Variants in DCC observed in about 807,000 individuals in gnomAD.
The protein encoded by DCC is DCC netrin 1 receptor, also known as netrin receptor DCC.
DCC carries 58 observed loss-of-function variants against 172.5 expected under a neutral mutation model. The observed-to-expected ratio is 0.34, with a 90% CI of 0.27 to 0.42. The LOEUF (loss-of-function observed/expected upper bound fraction) is 0.42, where lower values mean the gene tolerates loss of function less well. DCC is among the 10% of genes least tolerant of loss of function. The pLI, the probability that DCC is intolerant of heterozygous loss-of-function variation, is 1.00. For missense variants in DCC, 1,740 were observed against 1,791.0 expected, an observed-to-expected ratio of 0.97 and a Z score of 0.51; for synonymous variants, 709 against 644.5, an observed-to-expected ratio of 1.10 and a Z score of -1.52.
intron 13 of DCC, among the ~76,000 whole-genome samples, chr18:53,318,311 TC>T (rs1224315873): frequency 6.6e-6 from 1 of 152,252 alleles, no homozygotes; most frequent in East Asian, 1.9e-4. Context: ...TTCTTAATCC[TC>T]AGTTCTAATT....
chr18:52,553,504 C>T (rs555760231), intron 1 of DCC, among the ~76,000 whole-genome samples: 1 of 152,096 alleles, frequency 6.6e-6, no homozygotes, highest in East Asian at 1.9e-4. Context: ...GATCAATGAA[C>T]CACTGCCAAA....
intron 7 of DCC, among the ~76,000 whole-genome samples, chr18:53,080,463 T>C (rs2042783998): frequency 6.6e-6 from 1 of 152,140 alleles, no homozygotes; most frequent in African/African-American, 2.4e-5. Flanking sequence ...TACTGATTAA[T>C]TGATAATGCC....
At chr18:53,359,862 A>C (rs937530933) in intron 15 of DCC, among the ~76,000 whole-genome samples, 1 of 152,058 alleles carries the variant, frequency 6.6e-6, no homozygotes, top group Non-Finnish European at 1.5e-5. Flanking sequence ...TACCCATTTC[A>C]GTGACCCCTG....
chr18:52,689,752 T>C (rs748117781), intron 1 of DCC, among the ~76,000 whole-genome samples: 2 of 152,184 alleles, frequency 1.3e-5, no homozygotes, highest in Non-Finnish European at 2.9e-5. Flanking sequence ...CTCATGTTGC[T>C]GAAAAGACTC....
chr18:52,487,982 G>A (rs1366189073), intron 1 of DCC, among the ~76,000 whole-genome samples: 1 of 151,990 alleles, frequency 6.6e-6, no homozygotes, highest in Non-Finnish European at 1.5e-5. Flanking sequence ...ACAGATTTAT[G>A]CACTAAGAAA....
At chr18:52,360,929 T>C (rs1447511802) in intron 1 of DCC, among the ~76,000 whole-genome samples, 1 of 152,194 alleles carries the variant, frequency 6.6e-6, no homozygotes, top group Non-Finnish European at 1.5e-5. Flanking sequence ...AGTGGACCCA[T>C]CTATGAATGC....
intron 22 of DCC, among the ~76,000 whole-genome samples, chr18:53,448,234 T>C (rs1912754891): frequency 1.3e-5 from 2 of 152,154 alleles, no homozygotes; most frequent in South Asian, 4.1e-4. Context: ...TAGCTGAGAC[T>C]GGGTAATTTA....
rs1568192145 is a variant in DCC at position 52,927,135 on chromosome 18, ACGTG to A, written c.985+1766_985+1769del. ...TATATACGTGTATATACACGTATATACGTGTATATATGTGTATATATACGTATAT... is the reference window on the plus strand; with the variant it reads ...TATATACGTGTATATACACGTATATATATATATGTGTATATATACGTATAT... On this transcript the variant is annotated intron_variant, in intron 5 of 28. Transcript: ENST00000442544. 8.5e-4 allele frequency among the ~76,000 whole-genome samples: 81 copies of A among 94,816 alleles called. 7 individuals are homozygous for A. The highest frequency in any genetic ancestry group is 2.1e-3 in the African/African-American group (57 of 27,276). 62.2% of individuals were successfully genotyped at this position (94,816 alleles called of 152,430 possible).
chr18:53,256,918 G>A, intron 12 of DCC, among the ~76,000 whole-genome samples: 1 of 152,116 alleles, frequency 6.6e-6, no homozygotes. Context: ...TCCTTGAAGA[G>A]GTCCTTCACA....
intron 2 of DCC, among the ~76,000 whole-genome samples, chr18:52,846,754 G>A (rs35879011): frequency 0.22 from 33,819 of 151,908 alleles, 4,583 homozygotes; most frequent in Admixed American, 0.31. Context: ...AAAGGAGAAT[G>A]TTGATGACTG....
intron 1 of DCC, among the ~76,000 whole-genome samples, chr18:52,610,169 AAAAAAAAAAATAT>A (rs2034232202): frequency 3.7e-5 from 1 of 27,240 alleles, no homozygotes; most frequent in East Asian, 9.1e-4. Flanking sequence ...AAAAAAAAAA[AAAAAAAAAAATAT>A]ATATATATAT....
At chr18:52,482,572 G>A (rs1371913166) in intron 1 of DCC, among the ~76,000 whole-genome samples, 5 of 152,106 alleles carry the variant, frequency 3.3e-5, no homozygotes. Flanking sequence ...TGGTAGAAAG[G>A]GAGCAAGAAA....
intron 1 of DCC, among the ~76,000 whole-genome samples, chr18:52,454,407 G>T (rs148793640): frequency 1.1e-3 from 164 of 151,976 alleles, no homozygotes; most frequent in African/African-American, 3.9e-3. Flanking sequence ...ATTCTACCAT[G>T]AAGCATCTAA....
chr18:53,194,406 T>C (rs558866693), intron 9 of DCC, among the ~76,000 whole-genome samples: 2 of 152,240 alleles, frequency 1.3e-5, no homozygotes, highest in East Asian at 3.9e-4. Context: ...TCCTGGCTTT[T>C]CTATCAGGGA....
intron 5 of DCC, among the ~76,000 whole-genome samples, chr18:52,991,815 C>T (rs895742359): frequency 1.3e-5 from 2 of 152,162 alleles, no homozygotes; most frequent in African/African-American, 4.8e-5. Context: ...TGGATGAATT[C>T]AGCAGATCTT....
intron 1 of DCC, among the ~76,000 whole-genome samples, chr18:52,635,233 C>G (rs62083429): frequency 0.29 from 44,206 of 152,084 alleles, 7,194 homozygotes; most frequent in East Asian, 0.48. Flanking sequence ...CTCCAAGAAA[C>G]TCAAAAATCT....
chr18:53,476,615 A>G (rs564430887), intron 25 of DCC, among the ~76,000 whole-genome samples: 1 of 149,978 alleles, frequency 6.7e-6, no homozygotes, highest in Non-Finnish European at 1.5e-5. Context: ...TTATTTATTT[A>G]TTTTTTTTGT....
intron 2 of DCC, among the ~76,000 whole-genome samples, chr18:52,832,684 C>A (rs527824001): frequency 3.1e-4 from 47 of 152,198 alleles, no homozygotes; most frequent in Non-Finnish European, 5.4e-4. Flanking sequence ...TTGTTCTAAT[C>A]ACTTCATGGA....
rs143597477 is a variant in DCC at position 52,958,770 on chromosome 18, A to G, written c.985+33400A>G. Among the ~76,000 whole-genome samples, 7 of 152,250 alleles carry G rather than the reference A, an allele frequency of 4.6e-5. No individual in the cohort carries two copies. The East Asian group carries it at 1.4e-3, about 29-fold the overall frequency. ...TGGAGAATATTGAAGGAGGAGAGAC[A>G]TGTTGTCGGGAGGGGTCAGGAATGA... On this transcript the variant is annotated intron_variant, in intron 5 of 28. Coordinates refer to ENST00000442544, the MANE Select transcript of DCC (RefSeq NM_005215.4).
Sources: gnomAD v4.1 joint callset for allele counts (sites outside exome capture counted in the v4.1 genomes callset) on GRCh38, gnomAD v4.1.1 for gene constraint, MANE v1.5 for transcripts, NCBI Gene and HGNC (gene_info 2026-07-23, HGNC 2026-07-21) for gene names.